Variants in STOX2 observed in about 807,000 individuals in gnomAD.
STOX2 encodes the protein storkhead box 2.
Under a neutral mutation model 60.9 loss-of-function variants are expected in STOX2, and 28 were observed. The ratio of observed to expected loss-of-function variants is 0.46; its 90% CI spans 0.34 to 0.63. The LOEUF (loss-of-function observed/expected upper bound fraction) is 0.63, where lower values mean the gene tolerates loss of function less well. STOX2 is among the 30% of genes least tolerant of loss of function. STOX2 has a pLI of 0.01. For missense variants in STOX2, 1,024 were observed against 1,187.7 expected, an observed-to-expected ratio of 0.86 and a Z score of 2.03; for synonymous variants, 472 against 463.9, an observed-to-expected ratio of 1.02 and a Z score of -0.22.
Position 183,906,709 on chromosome 4 carries a change from C to CCGTATCATTAAAAAA in STOX2, c.-81_-80insGTATCATTAAAAAAC. 1 of 1,376,916 alleles carries CCGTATCATTAAAAAA rather than the reference C, an allele frequency of 7.3e-7. No individual in the cohort carries two copies. Among genetic ancestry groups the CCGTATCATTAAAAAA allele is most frequent in the Admixed American group, 3.0e-5 (1 of 33,310 alleles). The allele number at this position is 1,376,916 out of a possible 1,614,324, so 85.3% of individuals were successfully genotyped here. A position where few individuals can be genotyped will look rare whatever the true frequency, so the allele number is the denominator to read the frequency against. ...GTGCGCAGAGTCCGCCCGGGTCGTG[C>CCGTATCATTAAAAAA]CCGCCGTAGACGGATGAAGGAGCGC... On this transcript the variant is annotated 5_prime_UTR_variant, in exon 1 of 4. The change creates a premature stop within an existing upstream ORF in the 5' untranslated region. Coordinates refer to ENST00000308497, the MANE Select transcript of STOX2 (RefSeq NM_020225.3).
chr4:184,002,858 C>T (rs1016526648), intron 2 of STOX2, among the ~76,000 whole-genome samples: 4 of 152,170 alleles, frequency 2.6e-5, no homozygotes, highest in African/African-American at 9.7e-5. Flanking sequence ...TTCTCCTTCT[C>T]CTTGTGATAT....
chr4:183,899,387 A>C (rs12506420), intron 1 of STOX2, among the ~76,000 whole-genome samples: 17,982 of 152,242 alleles, frequency 0.12, 1,289 homozygotes, highest in African/African-American at 0.2. Context: ...GGGCTAAAAG[A>C]TAGGTCTCTT....
intron 1 of STOX2, among the ~76,000 whole-genome samples, chr4:183,995,546 G>A (rs888258913): frequency 6.6e-6 from 1 of 152,082 alleles, no homozygotes. Flanking sequence ...TATTTCCTGA[G>A]GTAGGGGTGA....
intron 1 of STOX2, among the ~76,000 whole-genome samples, chr4:183,963,863 C>T (rs1167927684): frequency 6.6e-6 from 1 of 151,616 alleles, no homozygotes; most frequent in Non-Finnish European, 1.5e-5. Context: ...GCAAGCTCCG[C>T]CTCCCGGGTT....
At chr4:183,847,173 G>T (rs1740008322) in intron 1 of STOX2, among the ~76,000 whole-genome samples, 1 of 152,140 alleles carries the variant, frequency 6.6e-6, no homozygotes, top group Non-Finnish European at 1.5e-5. Context: ...TCCTGCTTGT[G>T]CAGAGCCTGA....
intron 1 of STOX2, among the ~76,000 whole-genome samples, chr4:183,854,868 A>T (rs935752560): frequency 1.3e-5 from 2 of 152,198 alleles, no homozygotes; most frequent in Non-Finnish European, 2.9e-5. Context: ...TTTTTTTAAC[A>T]TGCATATGAA....
At chr4:183,866,387 A>C (rs928019102) in intron 1 of STOX2, among the ~76,000 whole-genome samples, 13 of 152,064 alleles carry the variant, frequency 8.5e-5, no homozygotes, top group Non-Finnish European at 1.5e-4. Context: ...TCCATGGAGA[A>C]CCTGTTCTGG....
intron 1 of STOX2, among the ~76,000 whole-genome samples, chr4:183,963,920 C>T (rs917626284): frequency 4.0e-5 from 6 of 151,574 alleles, no homozygotes; most frequent in Non-Finnish European, 5.9e-5. Context: ...GGACTACAGG[C>T]GCCCACCACC....
At chr4:183,832,122 TG>T (rs1458499963) in intron 1 of STOX2, among the ~76,000 whole-genome samples, 1 of 152,036 alleles carries the variant, frequency 6.6e-6, no homozygotes, top group African/African-American at 2.4e-5. Context: ...CCTGAGTAGC[TG>T]GGATTACAAG....
At chr4:183,912,013 A>C (rs1319990977) in intron 1 of STOX2, among the ~76,000 whole-genome samples, 1 of 152,152 alleles carries the variant, frequency 6.6e-6, no homozygotes. Flanking sequence ...ACTTTTCCTG[A>C]AGTAGGAAAA....
intron 3 of STOX2, chr4:184,014,110 C>CAAAAAAAAAAAA (rs10527539): frequency 6.5e-5 from 9 of 138,634 alleles, no homozygotes; most frequent in African/African-American, 2.4e-4. Context: ...AAGCCCCAAC[C>CAAAAAAAAAAAA]AAAAAAAAAA....
chr4:183,921,259 G>A (rs1233472868), intron 1 of STOX2, among the ~76,000 whole-genome samples: 1 of 152,168 alleles, frequency 6.6e-6, no homozygotes, highest in Admixed American at 6.5e-5. Context: ...GGTTTGCATG[G>A]TGTAAGATAA....
In STOX2 at chr4:184,001,513, G is replaced by A. The variant is rs762726073; in HGVS notation, c.319+36G>A. The A allele has an allele frequency of 3.1e-5, 50 of 1,607,392 alleles. No homozygotes were observed. In the Admixed American group the frequency reaches 4.4e-4, roughly 14 times the overall value. On this transcript the variant is annotated intron_variant, in intron 2 of 3. Coordinates refer to ENST00000308497, the MANE Select transcript of STOX2 (RefSeq NM_020225.3). The surrounding 1 kb of genome is among the most constrained non-coding windows in gnomAD (Gnocchi z 4.2). ...GGGAACGTAGCACTTTCCAGGTGGCGGTGTGCTGTGGTCGCTCTAGGACTC... is the reference window on the plus strand; with the variant it reads ...GGGAACGTAGCACTTTCCAGGTGGCAGTGTGCTGTGGTCGCTCTAGGACTC...
intron 2 of STOX2, among the ~76,000 whole-genome samples, chr4:184,004,222 CA>C (rs1733718690): frequency 6.6e-6 from 1 of 152,066 alleles, no homozygotes; most frequent in Non-Finnish European, 1.5e-5. Flanking sequence ...TTTTATAAAT[CA>C]AAAGTGTAGT....
intron 1 of STOX2, among the ~76,000 whole-genome samples, chr4:183,839,931 A>C (rs537073070): frequency 6.6e-6 from 1 of 152,258 alleles, no homozygotes; most frequent in African/African-American, 2.4e-5. Context: ...CAACGCTCTA[A>C]GGGTTTTGTT....
intron 1 of STOX2, among the ~76,000 whole-genome samples, chr4:183,935,708 T>C (rs1742571239): frequency 6.6e-6 from 1 of 152,236 alleles, no homozygotes; most frequent in Non-Finnish European, 1.5e-5. Flanking sequence ...ATAGGGTTGT[T>C]ATGAGAATTA....
chr4:183,801,676 A>G (rs770003051), intron 1 of STOX2, among the ~76,000 whole-genome samples: 1 of 152,182 alleles, frequency 6.6e-6, no homozygotes, highest in Admixed American at 6.5e-5. Context: ...CTGCTGGGGA[A>G]GGAGGTGCCC....
chr4:183,917,733 T>C (rs1209971381), intron 1 of STOX2, among the ~76,000 whole-genome samples: 1 of 152,214 alleles, frequency 6.6e-6, no homozygotes, highest in Non-Finnish European at 1.5e-5. Flanking sequence ...AGTGGATTTT[T>C]CCTTATTTGT....
rs928849276 is a variant in STOX2, at chr4:183,966,138, A to G, written c.167-35187A>G. Among the ~76,000 whole-genome samples the G allele has an allele frequency of 9.2e-5, 14 of 152,082 alleles. No individual in the cohort carries two copies. In the South Asian group the frequency reaches 2.7e-3, roughly 29 times the overall value. On this transcript the variant is annotated intron_variant, in intron 1 of 3. Coordinates refer to ENST00000308497, the MANE Select transcript of STOX2 (RefSeq NM_020225.3). ...ATCAGAGAGAGTTTTGGGACCAGGG[A>G]GGGAGTTTTGACCCCTTCAGCTCTA... is the stretch of plus-strand genomic sequence containing the variant.
Sources: gnomAD v4.1 joint callset for allele counts (sites outside exome capture counted in the v4.1 genomes callset) on GRCh38, gnomAD v4.1.1 for gene constraint, Gnocchi (gnomAD v3.1) non-coding constraint, MANE v1.5 for transcripts, NCBI Gene and HGNC (gene_info 2026-07-23, HGNC 2026-07-21) for gene names.